The following RNF208 variants were observed in gnomAD, a reference collection of about 807,000 sequenced individuals.
RNF208 encodes the protein ring finger protein 208.
In RNF208, 7 loss-of-function variants were observed where a neutral mutation model predicts 15.2. The observed-to-expected ratio is 0.46, with a 90% CI of 0.26 to 0.86. RNF208 has a LOEUF of 0.86. Among genes scored for constraint, RNF208 ranks in the 40% least tolerant of loss-of-function variants. RNF208 has a pLI of 0.16. For missense variants in RNF208, 342 were observed against 364.1 expected, an observed-to-expected ratio of 0.94 and a Z score of 0.49; for synonymous variants, 211 against 163.2, an observed-to-expected ratio of 1.29 and a Z score of -2.23.
upstream of RNF208, among the ~76,000 whole-genome samples, chr9:137,223,217 C>T (rs993195618): frequency 1.3e-5 from 2 of 152,236 alleles, no homozygotes; most frequent in Non-Finnish European, 2.9e-5. Context: ...TCTGTGGGGC[C>T]TCGGGCGAGT....
At chr9:137,222,494 T>C (rs1835887172), upstream of RNF208, among the ~76,000 whole-genome samples, 1 of 152,118 alleles carries the variant, frequency 6.6e-6, no homozygotes, top group Non-Finnish European at 1.5e-5. Context: ...AGAATCCGGC[T>C]GTTCTCCTCC....
chr9:137,221,042 G>T lies in RNF208; in HGVS notation c.171C>A (p.Thr57=). Residue 57 remains threonine, a synonymous_variant, in exon 2 of 2, where the codon ACC becomes ACA. Transcript: ENST00000391553. ...AGGCACGCTTGGGTGCCAGAGTTGG[G>T]GTGGGCCGGGGAGCAGGCGGGAAGC... The part of the protein sequence containing the change: ...APCFPPAPRP[T]PTLAPKRAWP... 1.9e-6 allele frequency: 3 copies of T among 1,593,808 alleles called. No individual in the cohort carries two copies. The highest frequency in any genetic ancestry group is 1.7e-4 in the Middle Eastern group (1 of 6,020).
Position 137,220,459 on chromosome 9 carries a change from G to T in RNF208, c.754C>A (p.Arg252=). ...YCGAACTCHV[R]NPLSACSIM is the part of the protein sequence containing the mutation. ...ATGGAGCAGGCGGACAGTGGGTTCC[G>T]CACGTGGCAGGTGCACGCGGCCCCA... is the stretch of plus-strand genomic sequence containing the variant. The change falls in exon 2 of 2, where the codon CGG becomes AGG. Residue 252 remains arginine (R), a synonymous_variant. Transcript: ENST00000391553. The T allele has an allele frequency of 6.3e-7, 1 of 1,595,898 alleles. No homozygotes were observed. Among genetic ancestry groups the T allele is most frequent in the Non-Finnish European group, 8.5e-7 (1 of 1,170,776 alleles).
In RNF208 at chr9:137,222,158, C is replaced by T. The variant is rs1478713518; in HGVS notation, c.-696G>A. On this transcript the variant is annotated 5_prime_UTR_variant, in exon 1 of 2. Transcript: ENST00000391553. ...GCGGGGCCCGGGCGGCACCGAGGGG[C>T]GCGGGCGCGGGCGTGGGGCGCGGGG... Among the ~76,000 whole-genome samples, 2 of 146,116 alleles carry T rather than the reference C, an allele frequency of 1.4e-5. No individual in the cohort carries two copies. Among genetic ancestry groups the T allele is most frequent in the African/African-American group, 2.5e-5 (1 of 40,796 alleles).
rs753418611 is a variant in RNF208 at position 137,220,750 on chromosome 9, G to C, written c.463C>G (p.Arg155Gly). ...TCGHSYNVTQRRPRVLSCLHS... is the reference protein window; with the variant it reads ...TCGHSYNVTQGRPRVLSCLHS... ...AGGCAGGACAGCACGCGGGGCCTCCGCTGGGTGACATTGTAGGAGTGCCCA... is the reference window on the plus strand; with the variant it reads ...AGGCAGGACAGCACGCGGGGCCTCCCCTGGGTGACATTGTAGGAGTGCCCA... The change falls in exon 2 of 2, where the codon CGG (arginine) becomes GGG (glycine). Residue 155 changes from arginine to glycine, a missense_variant. This residue lies in a region of RNF208 where 76 missense variants were observed against 118.0 expected (regional missense o/e 0.64). Transcript: ENST00000391553. The C allele has an allele frequency of 6.2e-7, 1 of 1,612,228 alleles. No homozygotes were observed. The highest frequency in any genetic ancestry group is 8.5e-7 in the Non-Finnish European group (1 of 1,179,784).
rs1219530147 is a variant in RNF208 at position 137,220,519 on chromosome 9, C to T, written c.694G>A (p.Glu232Lys). 1.2e-6 allele frequency: 2 copies of T among 1,602,268 alleles called. No homozygotes were observed. Among genetic ancestry groups the T allele is most frequent in the African/African-American group, 1.3e-5 (1 of 74,942 alleles). Residue 232 changes from glutamate to lysine, a missense_variant, in exon 2 of 2, where the codon GAG (glutamate) becomes AAG (lysine). Glu to Lys is a moderately conservative substitution (Grantham distance 56). Transcript: ENST00000391553. ...PSGGQWGAEP[E>K]GSCYQTFRQY... ...CGGAAGGTCTGGTAGCAGCTGCCCTCGGGCTCAGCCCCCCACTGACCCCCG... is the reference window on the plus strand; with the variant it reads ...CGGAAGGTCTGGTAGCAGCTGCCCTTGGGCTCAGCCCCCCACTGACCCCCG...
In RNF208 at chr9:137,221,214, C is replaced by G; in HGVS notation, c.-2G>C. 8.8e-7 allele frequency: 1 copy of G among 1,139,352 alleles called. No homozygotes were observed. The highest frequency in any genetic ancestry group is 1.8e-5 in the African/African-American group (1 of 54,716). 70.6% of individuals were successfully genotyped at this position (1,139,352 alleles called of 1,614,324 possible). A position where few individuals can be genotyped will look rare whatever the true frequency, so the allele number is the denominator to read the frequency against. ...CTCGGGCCCGGGGTCAGAGGGCATC[C>G]GGCTGTCTCCAGTCAGACTGGATGT... is the stretch of plus-strand genomic sequence containing the variant. On this transcript the variant is annotated 5_prime_UTR_variant, in exon 2 of 2. Transcript: ENST00000391553.
Position 137,221,223 on chromosome 9 carries a change from CCAGT to C in RNF208, c.-15_-12del, listed in dbSNP as rs1835865090. ...GGGGTCAGAGGGCATCCGGCTGTCT[CCAGT>C]CAGACTGGATGTTCGGGTGGGTGGG... On this transcript the variant is annotated 5_prime_UTR_variant, in exon 2 of 2. It removes the in-frame stop codon of an upstream open reading frame in the 5' UTR. Transcript: ENST00000391553. The C allele has an allele frequency of 7.0e-7, 1 of 1,435,602 alleles. No homozygotes were observed. Among genetic ancestry groups the C allele is most frequent in the Non-Finnish European group, 9.1e-7 (1 of 1,093,340 alleles). 88.9% of individuals were successfully genotyped at this position (1,435,602 alleles called of 1,614,324 possible). A position where few individuals can be genotyped will look rare whatever the true frequency, so the allele number is the denominator to read the frequency against.
In RNF208 at chr9:137,222,099, G is replaced by A. The variant is rs988590344; in HGVS notation, c.-637C>T. On this transcript the variant is annotated 5_prime_UTR_variant, in exon 1 of 2. Coordinates refer to ENST00000391553, the MANE Select transcript of RNF208 (RefSeq NM_031297.7). ...CCCGGCAGCTCGGGGGGCTCCGGCG[G>A]CTCCGGCGGCGGCCGCAGCGACCTC... 6.8e-6 allele frequency among the ~76,000 whole-genome samples: 1 copy of A among 147,358 alleles called. No individual in the cohort carries two copies. The highest frequency in any genetic ancestry group is 1.5e-5 in the Non-Finnish European group (1 of 66,254).
rs1835880543 is a variant in RNF208, at chr9:137,222,155, G to A, written c.-693C>T. Among the ~76,000 whole-genome samples the A allele has an allele frequency of 6.8e-6, 1 of 146,254 alleles. No homozygotes were observed. The highest frequency in any genetic ancestry group is 2.4e-5 in the African/African-American group (1 of 40,830). Reference sequence around the variant, plus strand: ...ATGGCGGGGCCCGGGCGGCACCGAGGGGCGCGGGCGCGGGCGTGGGGCGCG... The same window carrying A: ...ATGGCGGGGCCCGGGCGGCACCGAGAGGCGCGGGCGCGGGCGTGGGGCGCG... On this transcript the variant is annotated 5_prime_UTR_variant, in exon 1 of 2. Coordinates refer to ENST00000391553, the MANE Select transcript of RNF208 (RefSeq NM_031297.7).
rs142941441 is a variant in RNF208, at chr9:137,220,559, C to T, written c.654G>A (p.Ala218=). The T allele has an allele frequency of 1.2e-5, 19 of 1,609,888 alleles. No homozygotes were observed. The African/African-American group carries it at 1.9e-4, about 16-fold the overall frequency. ...TSILSRLPPE[A]LTAPSGGQWG... ...ACTGACCCCCGGATGGGGCCGTCAG[C>T]GCCTCAGGCGGCAGGCGGCTCAGGA... The change falls in exon 2 of 2, where the codon GCG becomes GCA. Residue 218 remains alanine (A), a synonymous_variant. Coordinates refer to ENST00000391553, the MANE Select transcript of RNF208 (RefSeq NM_031297.7).
Position 137,221,233 on chromosome 9 carries a change from T to G in RNF208, c.-21A>C. On this transcript the variant is annotated 5_prime_UTR_variant, in exon 2 of 2. Coordinates refer to ENST00000391553, the MANE Select transcript of RNF208 (RefSeq NM_031297.7). ...GGCATCCGGCTGTCTCCAGTCAGAC[T>G]GGATGTTCGGGTGGGTGGGGGCGTT... 3.9e-6 allele frequency: 4 copies of G among 1,015,040 alleles called. No homozygotes were observed. The highest frequency in any genetic ancestry group is 7.1e-5 in the East Asian group (1 of 13,996). The allele number at this position is 1,015,040 out of a possible 1,614,324, so 62.9% of individuals were successfully genotyped here. A position where few individuals can be genotyped will look rare whatever the true frequency, so the allele number is the denominator to read the frequency against.
Position 137,220,664 on chromosome 9 carries a change from G to A in RNF208, c.549C>T (p.Phe183=), listed in dbSNP as rs746160484. The A allele has an allele frequency of 1.7e-4, 267 of 1,612,508 alleles. No homozygotes were observed. The highest frequency in any genetic ancestry group is 2.2e-4 in the Non-Finnish European group (255 of 1,179,942). ...CACGGCGGCAGGTGGGGCAGGAGAT[G>A]AACTTGTACTTGGGGCAGGACTCGT... is the stretch of plus-strand genomic sequence containing the variant. ...ILYESCPKYK[F]ISCPTCRRET... is the part of the protein sequence containing the mutation. Residue 183 remains phenylalanine, a synonymous_variant, in exon 2 of 2, where the codon TTC becomes TTT. Transcript: ENST00000391553.
chr9:137,221,198 G>T lies in RNF208; in HGVS notation c.15C>A (p.Pro5=). MPSD[P]GPEAGSGWPG... ...GCCAGCCACTGCCCGCCTCGGGCCC[G>T]GGGTCAGAGGGCATCCGGCTGTCTC... is the stretch of plus-strand genomic sequence containing the variant. Residue 5 remains proline, a synonymous_variant, in exon 2 of 2, where the codon CCC becomes CCA. Coordinates refer to ENST00000391553, the MANE Select transcript of RNF208 (RefSeq NM_031297.7). The T allele has an allele frequency of 6.7e-7, 1 of 1,503,320 alleles. No individual in the cohort carries two copies. The highest frequency in any genetic ancestry group is 2.1e-5 in the Admixed American group (1 of 48,048). 93.1% of individuals were successfully genotyped at this position (1,503,320 alleles called of 1,614,324 possible).
At position 137,220,958 on chromosome 9, in the gene RNF208, C is replaced by T; in HGVS notation, c.255G>A (p.Leu85=). 6.5e-7 allele frequency: 1 copy of T among 1,544,040 alleles called. No individual in the cohort carries two copies. Among genetic ancestry groups the T allele is most frequent in the Non-Finnish European group, 8.8e-7 (1 of 1,141,530 alleles). Residue 85 remains leucine (L), a synonymous_variant, in exon 2 of 2, where the codon TTG becomes TTA. Transcript: ENST00000391553. ...NQACGGDMPA[L]EGAPHTPPLP... ...GTGGCGGGGTATGGGGTGCCCCTTC[C>T]AAGGCAGGCATGTCCCCCCCACAGG... is the stretch of plus-strand genomic sequence containing the variant.
Position 137,221,042 on chromosome 9 carries a change from G to A in RNF208, c.171C>T (p.Thr57=), listed in dbSNP as rs376748684. The A allele has an allele frequency of 1.4e-5, 23 of 1,593,688 alleles. No individual in the cohort carries two copies. The African/African-American group carries it at 2.1e-4, about 15-fold the overall frequency. The change falls in exon 2 of 2, where the codon ACC becomes ACT. Residue 57 remains threonine, a synonymous_variant. Coordinates refer to ENST00000391553, the MANE Select transcript of RNF208 (RefSeq NM_031297.7). ...AGGCACGCTTGGGTGCCAGAGTTGG[G>A]GTGGGCCGGGGAGCAGGCGGGAAGC... is the stretch of plus-strand genomic sequence containing the variant. ...APCFPPAPRP[T]PTLAPKRAWP...
rs1203840133 is a variant in RNF208 at position 137,221,165 on chromosome 9, G to A, written c.48C>T (p.Leu16=). ...GGGGACCCTTCAGGCAGGACATGAG[G>A]AGGCCCGGCCAGCCACTGCCCGCCT... The part of the protein sequence containing the change: ...GPEAGSGWPG[L]LMSCLKGPHV... The change falls in exon 2 of 2, where the codon CTC becomes CTT. Residue 16 remains leucine (L), a synonymous_variant. Coordinates refer to ENST00000391553, the MANE Select transcript of RNF208 (RefSeq NM_031297.7). 2.6e-6 allele frequency: 4 copies of A among 1,554,064 alleles called. No homozygotes were observed. Among genetic ancestry groups the A allele is most frequent in the South Asian group, 1.2e-5 (1 of 83,982 alleles).
At chr9:137,222,661 G>C (rs541735155), upstream of RNF208, among the ~76,000 whole-genome samples, 5 of 152,350 alleles carry the variant, frequency 3.3e-5, no homozygotes, top group East Asian at 7.7e-4. Context: ...GCCTGTGCCC[G>C]GTGCCGTAGC....
In RNF208 at chr9:137,220,458, C is replaced by T. The variant is rs1489535406; in HGVS notation, c.755G>A (p.Arg252Gln). The T allele has an allele frequency of 3.4e-5, 54 of 1,596,160 alleles. No individual in the cohort carries two copies. Among genetic ancestry groups the T allele is most frequent in the African/African-American group, 4.0e-5 (3 of 74,686 alleles). ...YCGAACTCHV[R>Q]NPLSACSIM The stretch of plus-strand genomic sequence containing the variant: ...GATGGAGCAGGCGGACAGTGGGTTC[C>T]GCACGTGGCAGGTGCACGCGGCCCC... The change falls in exon 2 of 2, where the codon CGG becomes CAG. Residue 252 changes from arginine (R) to glutamine (Q), a missense_variant. Arg to Gln is a conservative substitution (Grantham distance 43). Around this residue, in one of 3 missense-constraint regions of RNF208, gnomAD observed 59 missense variants for 52.4 expected, o/e 1.13. Transcript: ENST00000391553.
Sources: gnomAD v4.1 joint callset for allele counts (sites outside exome capture counted in the v4.1 genomes callset) on GRCh38, gnomAD v4.1.1 for gene constraint, gnomAD v4.1.1 regional missense constraint, MANE v1.5 for transcripts, NCBI Gene and HGNC (gene_info 2026-07-23, HGNC 2026-07-21) for gene names.